The following MSN variants were observed in gnomAD, a reference collection of about 807,000 sequenced individuals.
MSN encodes epididymis luminal protein 70.
In MSN, 2 loss-of-function variants were observed where a neutral mutation model predicts 48.0. That is an observed-to-expected ratio of 0.04 (90% CI 0.02 to 0.13). The LOEUF is 0.13. Ranked by LOEUF, MSN falls within the 10% of genes least tolerant of loss-of-function variation. The probability of loss-of-function intolerance (pLI) is 1.00; values close to 1 mark genes in which losing one functional copy is unlikely to be tolerated. For missense variants in MSN, 267 were observed against 470.1 expected, an observed-to-expected ratio of 0.57 and a Z score of 3.99; for synonymous variants, 146 against 166.9, an observed-to-expected ratio of 0.87 and a Z score of 0.97.
chrX:65,626,992 A>G (rs780360506), intron 1 of MSN, among the ~76,000 whole-genome samples: 2 of 111,753 alleles, frequency 1.8e-5, no homozygotes, highest in African/African-American at 6.5e-5. Context: ...AGGAGATGGG[A>G]CAAGGACAAG....
chrX:65,730,991 A>G (rs1280748407), intron 4 of MSN, 116 bp from the exon 5 acceptor site: 1 of 530,531 alleles, frequency 1.9e-6, no homozygotes, highest in Non-Finnish European at 3.0e-6. Context: ...TGTGACCTCA[A>G]TTGGCTGACT....
At chrX:65,688,506 C>T (rs887099160) in intron 1 of MSN, among the ~76,000 whole-genome samples, 3 of 111,727 alleles carry the variant, frequency 2.7e-5, no homozygotes, top group Non-Finnish European at 5.6e-5. Flanking sequence ...CTTTGGTTTT[C>T]GACTATGCAC....
intron 1 of MSN, among the ~76,000 whole-genome samples, chrX:65,617,348 G>C (rs2070384293): frequency 9.1e-6 from 1 of 110,152 alleles, no homozygotes; most frequent in South Asian, 3.7e-4. Context: ...GACTTTTTTT[G>C]GTTGGTAAGC....
intron 5 of MSN, among the ~76,000 whole-genome samples, 163 bp downstream of exon 5, chrX:65,731,353 G>A (rs767281121): frequency 3.5e-4 from 39 of 112,250 alleles, no homozygotes; most frequent in Non-Finnish European, 6.0e-4. Context: ...GCTGTTTTTT[G>A]TTTGCTTGTT....
At chrX:65,700,786 A>G (rs919981426) in intron 1 of MSN, among the ~76,000 whole-genome samples, 1 of 112,004 alleles carries the variant, frequency 8.9e-6, no homozygotes, top group Non-Finnish European at 1.9e-5. Context: ...GTAAATGTTT[A>G]ACAATCAACT....
chrX:65,699,299 C>A (rs936242711), intron 1 of MSN, among the ~76,000 whole-genome samples: 4 of 111,851 alleles, frequency 3.6e-5, no homozygotes, highest in Non-Finnish European at 7.5e-5. Flanking sequence ...AACCACCATT[C>A]ATGGCTGGTT....
intron 1 of MSN, among the ~76,000 whole-genome samples, chrX:65,604,382 T>C (rs777010305): frequency 1.4e-4 from 16 of 111,567 alleles, no homozygotes; most frequent in South Asian, 3.7e-4. Flanking sequence ...AGAGATAGAA[T>C]ATTTGAAATC....
At chrX:65,632,334 G>A (rs1013490910) in intron 1 of MSN, among the ~76,000 whole-genome samples, 4 of 111,701 alleles carry the variant, frequency 3.6e-5, no homozygotes, top group East Asian at 2.8e-4. Context: ...GGCCCTTGCC[G>A]GATGCTAACC....
intron 1 of MSN, among the ~76,000 whole-genome samples, chrX:65,702,274 A>G (rs2071313706): frequency 1.9e-5 from 2 of 104,665 alleles, no homozygotes; most frequent in African/African-American, 7.0e-5. Context: ...TGGCCTCCCA[A>G]AGTGTTGGGA....
chrX:65,636,755 A>T, intron 1 of MSN, among the ~76,000 whole-genome samples: 1 of 99,631 alleles, frequency 1.0e-5, no homozygotes, highest in East Asian at 3.1e-4. Context: ...CTCAAAAAAA[A>T]AAAAAAAAAA....
chrX:65,684,262 A>G (rs912290696), intron 1 of MSN, among the ~76,000 whole-genome samples: 4 of 110,042 alleles, frequency 3.6e-5, no homozygotes, highest in African/African-American at 1.3e-4. Context: ...TTTTTCATGC[A>G]TTTGTATATA....
At chrX:65,705,926 A>G (rs932853024) in intron 1 of MSN, among the ~76,000 whole-genome samples, 5 of 111,650 alleles carry the variant, frequency 4.5e-5, no homozygotes, top group African/African-American at 1.6e-4. Flanking sequence ...TCTAGAAGCT[A>G]CTGGGAAAAG....
intron 1 of MSN, among the ~76,000 whole-genome samples, chrX:65,690,271 C>T (rs755468447): frequency 8.9e-6 from 1 of 111,783 alleles, no homozygotes; most frequent in Non-Finnish European, 1.9e-5. Flanking sequence ...AGGCCTGTGC[C>T]CATGTCAATA....
chrX:65,643,120 G>T (rs1467670690), intron 1 of MSN, among the ~76,000 whole-genome samples: 1 of 111,373 alleles, frequency 9.0e-6, no homozygotes, highest in African/African-American at 3.3e-5. Context: ...AGGGTGAATA[G>T]GTAGGTGGTT....
intron 1 of MSN, among the ~76,000 whole-genome samples, chrX:65,692,229 C>G (rs1418645525): frequency 8.9e-6 from 1 of 112,589 alleles, no homozygotes; most frequent in East Asian, 2.8e-4. Context: ...GGGATTTGAG[C>G]CAGAGGCCTG....
chrX:65,653,800 T>G (rs892639019), intron 1 of MSN, among the ~76,000 whole-genome samples: 11 of 110,729 alleles, frequency 9.9e-5, no homozygotes, highest in South Asian at 7.7e-4. Context: ...TGAGATGGAG[T>G]TTTGCTCTTG....
chrX:65,636,720 C>A (rs2070603011), intron 1 of MSN, among the ~76,000 whole-genome samples: 1 of 74,140 alleles, frequency 1.3e-5, no homozygotes, highest in African/African-American at 6.0e-5. Context: ...GCACTCCGGG[C>A]TGGGCAACAA....
intron 1 of MSN, among the ~76,000 whole-genome samples, chrX:65,601,460 G>A (rs914637036): frequency 1.4e-4 from 16 of 112,387 alleles, no homozygotes; most frequent in African/African-American, 4.5e-4. Context: ...TAACTTTTCC[G>A]GTTTGGGAAA....
Position 65,738,605 on chromosome X carries a change from G to A in MSN, c.1332G>A (p.Glu444=). ...ARQKKESEAV[E]WQQKAQMVQE... is the part of the protein sequence containing the mutation. ...AGAAGAAGGAGAGTGAGGCTGTGGA[G>A]TGGCAGCAGAAGGTAAGACACAGGG... The change falls in exon 11 of 13, where the codon GAG becomes GAA. Residue 444 remains glutamate (E), a synonymous_variant. Coordinates refer to ENST00000360270, the MANE Select transcript of MSN (RefSeq NM_002444.3). 1 of 1,208,268 alleles carries A rather than the reference G, an allele frequency of 8.3e-7. No individual in the cohort carries two copies. The highest frequency in any genetic ancestry group is 1.1e-6 in the Non-Finnish European group (1 of 893,461).
Sources: gnomAD v4.1 joint callset for allele counts (sites outside exome capture counted in the v4.1 genomes callset) on GRCh38, gnomAD v4.1.1 for gene constraint, MANE v1.5 for transcripts, NCBI Gene and HGNC (gene_info 2026-07-23, HGNC 2026-07-21) for gene names.